MYO18B: variants seen among roughly 807,000 people sequenced by gnomAD.
The protein encoded by MYO18B is unconventional myosin-XVIIIb.
MYO18B carries 204 observed loss-of-function variants against 273.0 expected under a neutral mutation model. The observed-to-expected ratio is 0.75, with a 90% confidence interval of 0.67 to 0.84. The LOEUF is 0.84. MYO18B is among the 40% of genes least tolerant of loss of function. The pLI, the probability that MYO18B is intolerant of heterozygous loss-of-function variation, is 0.00. For missense variants in MYO18B, 3,212 were observed against 3,287.6 expected (o/e 0.98, Z 0.56); for synonymous variants, 1,330 against 1,305.7 (o/e 1.02, Z -0.40).
At chr22:26,023,579 G>A (rs1267345330) in intron 42 of MYO18B, among the ~76,000 whole-genome samples, 2 of 151,778 alleles carry the variant, frequency 1.3e-5, no homozygotes, top group Non-Finnish European at 2.9e-5. Context: ...CCTGGTGTCC[G>A]CAGCCAGCAG....
intron 29 of MYO18B, chr22:25,898,843 C>G: frequency 5.1e-6 from 1 of 197,564 alleles, no homozygotes; most frequent in East Asian, 1.3e-4. Context: ...GTGCCTCTTT[C>G]TAGATGTGTG....
intron 39 of MYO18B, among the ~76,000 whole-genome samples, chr22:25,969,656 G>A (rs1417953965): frequency 1.4e-5 from 2 of 147,268 alleles, no homozygotes; most frequent in Admixed American, 1.4e-4. Flanking sequence ...CACAGAGTAG[G>A]CATAAAAAAA....
rs398036691 is a variant in MYO18B at position 25,814,294 on chromosome 22, C to CTTTTTTTTTTTT, written c.2522-9179_2522-9168dup. 5.5e-4 allele frequency among the ~76,000 whole-genome samples: 33 copies of CTTTTTTTTTTTT among 59,492 alleles called. 1 individual carries two copies. The highest frequency in any genetic ancestry group is 9.4e-4 in the Non-Finnish European group (29 of 30,812). 39.0% of individuals were successfully genotyped at this position (59,492 alleles called of 152,430 possible). ...GCTTGCCATGCTCCCAGGCACCGTT[C>CTTTTTTTTTTTT]TTTTTTTTTTTTTTTTTTTTTTTTT... On this transcript the variant is annotated intron_variant, in intron 12 of 43. Transcript: ENST00000335473.
At chr22:25,816,349 T>A (rs1399455089) in intron 12 of MYO18B, among the ~76,000 whole-genome samples, 1 of 152,176 alleles carries the variant, frequency 6.6e-6, no homozygotes, top group African/African-American at 2.4e-5. Flanking sequence ...TCATTCTTCT[T>A]TTATTTATTA....
At chr22:25,794,958 A>G (rs1392148072) in intron 11 of MYO18B, among the ~76,000 whole-genome samples, 1 of 152,222 alleles carries the variant, frequency 6.6e-6, no homozygotes, top group Non-Finnish European at 1.5e-5. Context: ...AACTTCTCTT[A>G]CCATGTTAGT....
rs1401479021 is a variant in MYO18B at position 25,874,430 on chromosome 22, C to G, written c.4080+16C>G. On this transcript the variant is annotated intron_variant, in intron 23 of 43. Coordinates refer to ENST00000335473, the MANE Select transcript of MYO18B (RefSeq NM_032608.7). ...GAAGCTGAAGGTACTGCATGCCGTT[C>G]CCATGAGGAGTCTGATCCAACGGGT... 5.6e-6 allele frequency: 9 copies of G among 1,608,846 alleles called. No individual in the cohort carries two copies. The South Asian group carries it at 7.7e-5, about 14-fold the overall frequency.
At chr22:25,898,543 C>A in intron 29 of MYO18B, 82 bp downstream of exon 29, 1 of 1,469,792 alleles carries the variant, frequency 6.8e-7, no homozygotes, top group Admixed American at 1.9e-5. Flanking sequence ...TCCAGGTTCT[C>A]CTAACTCCCT....
At chr22:25,842,925 T>G (rs1047274004) in intron 17 of MYO18B, among the ~76,000 whole-genome samples, 3 of 152,148 alleles carry the variant, frequency 2.0e-5, no homozygotes, top group African/African-American at 7.2e-5. Context: ...CAGCAAAGGT[T>G]TAAGTGCAGT....
chr22:25,778,979 G>A (rs2087027459), intron 8 of MYO18B, among the ~76,000 whole-genome samples: 1 of 152,090 alleles, frequency 6.6e-6, no homozygotes, highest in Admixed American at 6.5e-5. Flanking sequence ...TTGTGGCAGT[G>A]TTCTCAGCTT....
chr22:25,965,444 C>T (rs752594482), intron 39 of MYO18B, among the ~76,000 whole-genome samples: 24 of 152,094 alleles, frequency 1.6e-4, no homozygotes, highest in African/African-American at 4.1e-4. Context: ...AAGATCGGGG[C>T]GGTGATGTGC....
At chr22:25,830,624 TGTA>T (rs2089672065) in intron 15 of MYO18B, among the ~76,000 whole-genome samples, 1 of 152,124 alleles carries the variant, frequency 6.6e-6, no homozygotes, top group Admixed American at 6.5e-5. Context: ...GGGCTGTCCT[TGTA>T]GTGCTGGGCA....
At chr22:26,003,347 G>C (rs1276045683) in intron 41 of MYO18B, 38 bp downstream of exon 41, 1 of 1,572,486 alleles carries the variant, frequency 6.4e-7, no homozygotes, top group East Asian at 2.3e-5. Flanking sequence ...AGCTCACAAG[G>C]GTGAGCCCCT....
intron 39 of MYO18B, among the ~76,000 whole-genome samples, chr22:25,958,805 C>T (rs2092884043): frequency 6.6e-6 from 1 of 152,192 alleles, no homozygotes; most frequent in African/African-American, 2.4e-5. Flanking sequence ...CATGTCTATG[C>T]CACCAACTTG....
At chr22:25,877,174 G>C (rs1480987474) in intron 24 of MYO18B, 1 of 152,202 alleles carries the variant, frequency 6.6e-6, no homozygotes, top group Middle Eastern at 3.2e-3. Flanking sequence ...GGCAGGGCTG[G>C]AACAGACTTG....
rs986725394 is a variant in MYO18B, at chr22:25,770,868, C to T, written c.1580-4C>T. 7 of 1,550,488 alleles carry T rather than the reference C, an allele frequency of 4.5e-6. No individual in the cohort carries two copies. The African/African-American group carries it at 9.6e-5, about 21-fold the overall frequency. ...CCCCTTCTCTCTCTGGGATGTCCAA[C>T]CAGCTACGGTGCTAAAGCCAGATGA... On this transcript the variant is annotated splice_region_variant and splice_polypyrimidine_tract_variant and intron_variant, in intron 5 of 43. Coordinates refer to ENST00000335473, the MANE Select transcript of MYO18B (RefSeq NM_032608.7).
At chr22:25,743,746 A>G (rs1035962786) in intron 1 of MYO18B, among the ~76,000 whole-genome samples, 1 of 152,122 alleles carries the variant, frequency 6.6e-6, no homozygotes, top group African/African-American at 2.4e-5. Context: ...TGGGCTCTGT[A>G]ACCTTGGATG....
chr22:25,921,621 T>C (rs955899983), intron 34 of MYO18B, among the ~76,000 whole-genome samples: 1 of 152,102 alleles, frequency 6.6e-6, no homozygotes, highest in African/African-American at 2.4e-5. Context: ...GTTCCCTTTT[T>C]CAGAGATGAG....
chr22:25,961,032 G>A (rs953255558), intron 39 of MYO18B, among the ~76,000 whole-genome samples: 1 of 151,956 alleles, frequency 6.6e-6, no homozygotes, highest in Non-Finnish European at 1.5e-5. Flanking sequence ...AGAAGGGAAA[G>A]GAAGGAATTA....
At chr22:25,942,190 T>A (rs2092652062) in intron 34 of MYO18B, among the ~76,000 whole-genome samples, 1 of 152,212 alleles carries the variant, frequency 6.6e-6, no homozygotes. Flanking sequence ...CTGCCTCAGG[T>A]CTGGCTCCAG....
Sources: allele counts gnomAD v4.1 joint callset (sites outside exome capture counted in the v4.1 genomes callset), GRCh38; gene constraint gnomAD v4.1.1; transcripts MANE v1.5; gene names NCBI Gene and HGNC (gene_info 2026-07-23, HGNC 2026-07-21).